Variants in GLUD2 observed in about 807,000 individuals in gnomAD.
GLUD2 encodes the protein glutamate dehydrogenase 2, also known as glutamate dehydrogenase 2, mitochondrial.
In GLUD2, 11 loss-of-function variants were observed where a neutral mutation model predicts 16.2. The observed-to-expected ratio is 0.68, with a 90% CI of 0.43 to 1.13. The LOEUF is 1.13. Ranked by LOEUF, GLUD2 falls within the 50% of genes most tolerant of loss-of-function variation. The pLI is 0.00. For missense variants in GLUD2, 360 were observed against 456.4 expected, an observed-to-expected ratio of 0.79 and a Z score of 1.93; for synonymous variants, 147 against 181.9, an observed-to-expected ratio of 0.81 and a Z score of 1.55.
In GLUD2 at chrX:121,049,681, T is replaced by A. The variant is rs1925462586; in HGVS notation, c.*320T>A. 1 of 322,175 alleles carries A rather than the reference T, an allele frequency of 3.1e-6. No individual in the cohort carries two copies. The highest frequency in any genetic ancestry group is 2.7e-5 in the African/African-American group (1 of 37,731). The allele number at this position is 322,175 out of a possible 1,213,427, so 26.6% of individuals were successfully genotyped here. A position where few individuals can be genotyped will look rare whatever the true frequency, so the allele number is the denominator to read the frequency against. On this transcript the variant is annotated 3_prime_UTR_variant, in exon 1 of 1. Transcript: ENST00000328078. ...AGTGCTAGTGCTGGGGAAGGGACAG[T>A]CAAGAGCAGTCAGTTGCTTACTTAT...
Position 121,047,967 on chromosome X carries a change from G to T in GLUD2, c.283G>T (p.Glu95Ter). Residue 95 changes from glutamate to a stop codon, truncating the protein, a stop_gained, in exon 1 of 1, where the codon GAG becomes TAG. Transcript: ENST00000328078. LOFTEE classifies it high-confidence loss of function. ...GAAGGACCTGAGGACCCAGGAAAGCGAGGAGCAGAAGCGGAACCGGGTGCG... is the reference window on the plus strand; with the variant it reads ...GAAGGACCTGAGGACCCAGGAAAGCTAGGAGCAGAAGCGGAACCGGGTGCG... ...LVKDLRTQESEEQKRNRVRGI... is the reference protein window; with the variant it reads ...LVKDLRTQES 2 of 1,211,936 alleles carry T rather than the reference G, an allele frequency of 1.7e-6. No homozygotes were observed. Among genetic ancestry groups the T allele is most frequent in the Non-Finnish European group, 2.2e-6 (2 of 895,588 alleles).
Position 121,048,424 on chromosome X carries a change from A to G in GLUD2, c.740A>G (p.Tyr247Cys). The G allele has an allele frequency of 8.3e-7, 1 of 1,211,371 alleles. No individual in the cohort carries two copies. The highest frequency in any genetic ancestry group is 1.1e-6 in the Non-Finnish European group (1 of 895,439). ...ACCTATGCCAGCACCATAGGGCACT[A>G]TGATATTAATGCACACGCCTGTGTT... ...ADTYASTIGH[Y>C]DINAHACVTG... Residue 247 changes from tyrosine (Y) to cysteine (C), a missense_variant, in exon 1 of 1, where the codon TAT (tyrosine) becomes TGT (cysteine). Coordinates refer to ENST00000328078, the MANE Select transcript of GLUD2 (RefSeq NM_012084.4).
chrX:121,048,486 C>T lies in GLUD2; in HGVS notation c.802C>T (p.Arg268Cys), dbSNP rs1242646247. The T allele has an allele frequency of 1.7e-6, 2 of 1,211,526 alleles. No homozygotes were observed. The highest frequency in any genetic ancestry group is 1.7e-5 in the African/African-American group (1 of 57,739). ...CATCAGCCAAGGGGGAATCCATGGA[C>T]GCATCTCTGCTACTGGCCGTGGTGT... is the stretch of plus-strand genomic sequence containing the variant. ...KPISQGGIHG[R>C]ISATGRGVFH... The change falls in exon 1 of 1, where the codon CGC becomes TGC. Residue 268 changes from arginine (R) to cysteine (C), a missense_variant. Arg to Cys is a radical substitution (Grantham distance 180). This residue lies in a region of GLUD2 where 279 missense variants were observed against 352.9 expected (regional missense o/e 0.79). Transcript: ENST00000328078.
rs1176412877 is a variant in GLUD2 at position 121,048,445 on chromosome X, G to A, written c.761G>A (p.Cys254Tyr). The A allele has an allele frequency of 8.3e-7, 1 of 1,211,669 alleles. No individual in the cohort carries two copies. Among genetic ancestry groups the A allele is most frequent in the Non-Finnish European group, 1.1e-6 (1 of 895,539 alleles). ...CACTATGATATTAATGCACACGCCT[G>A]TGTTACTGGTAAACCCATCAGCCAA... Reference protein sequence around the residue: ...IGHYDINAHACVTGKPISQGG... With the variant: ...IGHYDINAHAYVTGKPISQGG... The change falls in exon 1 of 1, where the codon TGT becomes TAT. Residue 254 changes from cysteine (C) to tyrosine (Y), a missense_variant. Physicochemically the swap from Cys to Tyr is radical, Grantham distance 194 (BLOSUM62 -2). Coordinates refer to ENST00000328078, the MANE Select transcript of GLUD2 (RefSeq NM_012084.4).
chrX:121,048,756 A>G lies in GLUD2; in HGVS notation c.1072A>G (p.Ile358Val), dbSNP rs199542429. The G allele has an allele frequency of 1.7e-6, 2 of 1,209,468 alleles. No homozygotes were observed. The highest frequency in any genetic ancestry group is 3.5e-5 in the African/African-American group (2 of 56,955). Reference protein sequence around the residue: ...LEDFKLQHGSILGFPKAKPYE... With the variant: ...LEDFKLQHGSVLGFPKAKPYE... ...AGACTTCAAATTGCAACATGGGTCCATTCTGGGCTTCCCCAAGGCAAAGCC... is the reference window on the plus strand; with the variant it reads ...AGACTTCAAATTGCAACATGGGTCCGTTCTGGGCTTCCCCAAGGCAAAGCC... Residue 358 changes from isoleucine (I) to valine (V), a missense_variant, in exon 1 of 1, where the codon ATT becomes GTT. Coordinates refer to ENST00000328078, the MANE Select transcript of GLUD2 (RefSeq NM_012084.4).
chrX:121,048,798 T>C lies in GLUD2; in HGVS notation c.1114T>C (p.Leu372=), dbSNP rs1162073891. 1 of 1,211,772 alleles carries C rather than the reference T, an allele frequency of 8.3e-7. No individual in the cohort carries two copies. Among genetic ancestry groups the C allele is most frequent in the South Asian group, 1.8e-5 (1 of 56,937 alleles). The part of the protein sequence containing the change: ...PKAKPYEGSI[L]EVDCDILIPA... ...GGCAAAGCCCTATGAAGGAAGCATCTTGGAGGTCGACTGTGACATACTGAT... is the reference window on the plus strand; with the variant it reads ...GGCAAAGCCCTATGAAGGAAGCATCCTGGAGGTCGACTGTGACATACTGAT... Residue 372 remains leucine (L), a synonymous_variant, in exon 1 of 1, where the codon TTG becomes CTG. Coordinates refer to ENST00000328078, the MANE Select transcript of GLUD2 (RefSeq NM_012084.4).
chrX:121,048,277 T>TG lies in GLUD2; in HGVS notation c.595dup (p.Glu199GlyfsTer22). The TG allele has an allele frequency of 1.7e-6, 2 of 1,211,340 alleles. No individual in the cohort carries two copies. Among genetic ancestry groups the TG allele is most frequent in the Non-Finnish European group, 1.1e-6 (1 of 895,316 alleles). On this transcript the variant is annotated frameshift_variant, in exon 1 of 1. Transcript: ENST00000328078. LOFTEE classifies it high-confidence loss of function. ...CCCAAGAACTATACCGAAAATGAAT[T>TG]GGAAAAGATCACAAGGAGGTTCACC...
chrX:121,047,969 G>A lies in GLUD2; in HGVS notation c.285G>A (p.Glu95=). 1 of 1,211,962 alleles carries A rather than the reference G, an allele frequency of 8.3e-7. No homozygotes were observed. Among genetic ancestry groups the A allele is most frequent in the South Asian group, 1.8e-5 (1 of 57,014 alleles). The change falls in exon 1 of 1, where the codon GAG becomes GAA. Residue 95 remains glutamate (E), a synonymous_variant. Coordinates refer to ENST00000328078, the MANE Select transcript of GLUD2 (RefSeq NM_012084.4). ...AGGACCTGAGGACCCAGGAAAGCGA[G>A]GAGCAGAAGCGGAACCGGGTGCGCG... ...LVKDLRTQES[E]EQKRNRVRGI...
At position 121,049,572 on chromosome X, in the gene GLUD2, G is replaced by A. The variant is rs1925460451; in HGVS notation, c.*211G>A. The A allele has an allele frequency of 4.3e-6, 2 of 470,229 alleles. No homozygotes were observed. The highest frequency in any genetic ancestry group is 7.2e-5 in the Admixed American group (2 of 27,965). 38.8% of individuals were successfully genotyped at this position (470,229 alleles called of 1,213,427 possible). ...AAGTAGAAATCACCTACACCAGAGA[G>A]CTATTTTGGTATTTTGCCTTTAAAT... On this transcript the variant is annotated 3_prime_UTR_variant, in exon 1 of 1. Transcript: ENST00000328078.
rs199681821 is a variant in GLUD2, at chrX:121,047,758, A to C, written c.74A>C (p.His25Pro). The change falls in exon 1 of 1, where the codon CAC (histidine) becomes CCC (proline). Residue 25 changes from histidine (H) to proline (P), a missense_variant. Transcript: ENST00000328078. ...GCTGCCCTGGGCTCCGCGGCCAACC[A>C]CTCGGCCGCGTTGCTGGGCCGGGGC... ...GPAALGSAAN[H>P]SAALLGRGRG... is the part of the protein sequence containing the mutation. 22 of 1,139,635 alleles carry C rather than the reference A, an allele frequency of 1.9e-5. No individual in the cohort carries two copies. Among genetic ancestry groups the C allele is most frequent in the Non-Finnish European group, 2.5e-5 (22 of 865,816 alleles). 93.9% of individuals were successfully genotyped at this position (1,139,635 alleles called of 1,213,427 possible).
At position 121,048,324 on chromosome X, in the gene GLUD2, T is replaced by C; in HGVS notation, c.640T>C (p.Phe214Leu). 8.3e-7 allele frequency: 1 copy of C among 1,211,628 alleles called. No individual in the cohort carries two copies. The highest frequency in any genetic ancestry group is 1.1e-6 in the Non-Finnish European group (1 of 895,469). ...CACCATGGAGCTAGCAAAGAAGGGCTTTATTGGTCCTGGCGTTGATGTGCC... is the reference window on the plus strand; with the variant it reads ...CACCATGGAGCTAGCAAAGAAGGGCCTTATTGGTCCTGGCGTTGATGTGCC... ...RFTMELAKKG[F>L]IGPGVDVPAP... Residue 214 changes from phenylalanine (F) to leucine (L), a missense_variant, in exon 1 of 1, where the codon TTT becomes CTT. Coordinates refer to ENST00000328078, the MANE Select transcript of GLUD2 (RefSeq NM_012084.4).
Position 121,048,253 on chromosome X carries a change from C to T in GLUD2, c.569C>T (p.Pro190Leu), listed in dbSNP as rs754713256. Residue 190 changes from proline to leucine, a missense_variant, in exon 1 of 1, where the codon CCC (proline) becomes CTC (leucine). Around this residue, in one of 3 missense-constraint regions of GLUD2, gnomAD observed 279 missense variants for 352.9 expected, o/e 0.79. Coordinates refer to ENST00000328078, the MANE Select transcript of GLUD2 (RefSeq NM_012084.4). ...GCTAAAGCTGGTGTTAAGATCAATC[C>T]CAAGAACTATACCGAAAATGAATTG... ...GGAKAGVKIN[P>L]KNYTENELEK... 20 of 1,209,743 alleles carry T rather than the reference C, an allele frequency of 1.7e-5. No individual in the cohort carries two copies. The highest frequency in any genetic ancestry group is 2.0e-5 in the Non-Finnish European group (18 of 895,061).
Position 121,048,167 on chromosome X carries a change from A to G in GLUD2, c.483A>G (p.Val161=). The G allele has an allele frequency of 8.3e-7, 1 of 1,211,457 alleles. No individual in the cohort carries two copies. Among genetic ancestry groups the G allele is most frequent in the South Asian group, 1.8e-5 (1 of 56,966 alleles). Reference sequence around the variant, plus strand: ...GCACTGATGTGAGTGTAGATGAAGTAAAAGCTTTGGCTTCTCTGATGACAT... The same window carrying G: ...GCACTGATGTGAGTGTAGATGAAGTGAAAGCTTTGGCTTCTCTGATGACAT... The part of the protein sequence containing the change: ...RYSTDVSVDE[V]KALASLMTYK... The change falls in exon 1 of 1, where the codon GTA becomes GTG. Residue 161 remains valine (V), a synonymous_variant. Coordinates refer to ENST00000328078, the MANE Select transcript of GLUD2 (RefSeq NM_012084.4).
chrX:121,048,373 A>G lies in GLUD2; in HGVS notation c.689A>G (p.Glu230Gly), dbSNP rs1236681465. The change falls in exon 1 of 1, where the codon GAG becomes GGG. Residue 230 changes from glutamate (E) to glycine (G), a missense_variant. Physicochemically the swap from Glu to Gly is moderately conservative, Grantham distance 98 (BLOSUM62 -2). Coordinates refer to ENST00000328078, the MANE Select transcript of GLUD2 (RefSeq NM_012084.4). ...DVPAPDMNTG[E>G]REMSWIADTY... ...CCTGCTCCAGACATGAACACAGGTG[A>G]GCGGGAGATGTCCTGGATTGCTGAT... The G allele has an allele frequency of 1.2e-5, 15 of 1,209,674 alleles. No homozygotes were observed. The highest frequency in any genetic ancestry group is 1.7e-5 in the Non-Finnish European group (15 of 895,159).
Position 121,049,223 on chromosome X carries a change from A to G in GLUD2, c.1539A>G (p.Thr513=). ...KDIVHSALAY[T]MERSARQIMH... is the part of the protein sequence containing the mutation. The stretch of plus-strand genomic sequence containing the variant: ...TTGTGCACTCTGCCTTGGCATACAC[A>G]ATGGAGCGTTCTGCCAGGCAAATTA... The change falls in exon 1 of 1, where the codon ACA becomes ACG. Residue 513 remains threonine (T), a synonymous_variant. Coordinates refer to ENST00000328078, the MANE Select transcript of GLUD2 (RefSeq NM_012084.4). The G allele has an allele frequency of 8.3e-7, 1 of 1,211,370 alleles. No homozygotes were observed.
Position 121,047,624 on chromosome X carries a change from G to C in GLUD2, c.-61G>C, listed in dbSNP as rs1477805668. ...GCCGGACCCTTCCTTCCTAGTCGCGGGGAGTCTGAGAAAGCGCACCTGTTC... is the reference window on the plus strand; with the variant it reads ...GCCGGACCCTTCCTTCCTAGTCGCGCGGAGTCTGAGAAAGCGCACCTGTTC... On this transcript the variant is annotated 5_prime_UTR_variant, in exon 1 of 1. Coordinates refer to ENST00000328078, the MANE Select transcript of GLUD2 (RefSeq NM_012084.4). 2 of 767,784 alleles carry C rather than the reference G, an allele frequency of 2.6e-6. No homozygotes were observed. Among genetic ancestry groups the C allele is most frequent in the Non-Finnish European group, 3.4e-6 (2 of 581,207 alleles). The allele number at this position is 767,784 out of a possible 1,213,427, so 63.3% of individuals were successfully genotyped here.
chrX:121,048,906 C>T lies in GLUD2; in HGVS notation c.1222C>T (p.Pro408Ser). 8.3e-7 allele frequency: 1 copy of T among 1,211,383 alleles called. No homozygotes were observed. Among genetic ancestry groups the T allele is most frequent in the Non-Finnish European group, 1.1e-6 (1 of 895,324 alleles). ...AKIIAEGANG[P>S]TTPEADKIFL... The stretch of plus-strand genomic sequence containing the variant: ...GATCATTGCTGAAGGTGCCAATGGG[C>T]CAACAACTCCAGAAGCTGATAAGAT... Residue 408 changes from proline to serine, a missense_variant, in exon 1 of 1, where the codon CCA becomes TCA. Physicochemically the swap from Pro to Ser is moderately conservative, Grantham distance 74 (BLOSUM62 -1). Transcript: ENST00000328078.
Position 121,049,046 on chromosome X carries a change from G to C in GLUD2, c.1362G>C (p.Leu454Phe). ...TAAATCATGTCAGCTATGGCCGTTTGACCTTCAAATATGAAAGGGATTCTA... is the reference window on the plus strand; with the variant it reads ...TAAATCATGTCAGCTATGGCCGTTTCACCTTCAAATATGAAAGGGATTCTA... ...KNLNHVSYGR[L>F]TFKYERDSNY... The change falls in exon 1 of 1, where the codon TTG (leucine) becomes TTC (phenylalanine). Residue 454 changes from leucine (L) to phenylalanine (F), a missense_variant. This residue lies in a region of GLUD2 where 279 missense variants were observed against 352.9 expected (regional missense o/e 0.79). Transcript: ENST00000328078. 8.3e-7 allele frequency: 1 copy of C among 1,211,918 alleles called. No homozygotes were observed. Among genetic ancestry groups the C allele is most frequent in the Non-Finnish European group, 1.1e-6 (1 of 895,479 alleles).
Position 121,048,991 on chromosome X carries a change from C to T in GLUD2, c.1307C>T (p.Thr436Ile). The change falls in exon 1 of 1, where the codon ACA becomes ATA. Residue 436 changes from threonine (T) to isoleucine (I), a missense_variant. Physicochemically the swap from Thr to Ile is moderately conservative, Grantham distance 89. Coordinates refer to ENST00000328078, the MANE Select transcript of GLUD2 (RefSeq NM_012084.4). Reference protein sequence around the residue: ...PDLYLNAGGVTVSYFEWLKNL... With the variant: ...PDLYLNAGGVIVSYFEWLKNL... The stretch of plus-strand genomic sequence containing the variant: ...CTCTACTTGAATGCTGGAGGAGTGA[C>T]AGTATCTTACTTTGAGTGGCTGAAG... 9.9e-6 allele frequency: 12 copies of T among 1,210,879 alleles called. No individual in the cohort carries two copies. Among genetic ancestry groups the T allele is most frequent in the Non-Finnish European group, 1.3e-5 (12 of 894,530 alleles).
Sources: gnomAD v4.1 joint callset for allele counts on GRCh38, gnomAD v4.1.1 for gene constraint, gnomAD v4.1.1 regional missense constraint, MANE v1.5 for transcripts, NCBI Gene and HGNC (gene_info 2026-07-23, HGNC 2026-07-21) for gene names.